Variants in TTC28 observed in about 807,000 individuals in gnomAD.
TTC28 encodes the protein tetratricopeptide repeat protein 28.
TTC28 carries 61 observed loss-of-function variants against 198.0 expected under a neutral mutation model. The observed-to-expected ratio is 0.31, with a 90% confidence interval of 0.25 to 0.38. TTC28 has a LOEUF of 0.38. TTC28 is among the 10% of genes least tolerant of loss of function. The pLI, the probability that TTC28 is intolerant of heterozygous loss-of-function variation, is 1.00. For synonymous variants in TTC28, 1,171 were observed against 1,297.8 expected, an observed-to-expected ratio of 0.90 and a Z score of 2.10; for missense variants, 2,678 against 3,164.0, an observed-to-expected ratio of 0.85 and a Z score of 3.69.
intron 2 of TTC28, among the ~76,000 whole-genome samples, chr22:28,587,263 G>A (rs1446853564): frequency 1.3e-5 from 2 of 152,210 alleles, no homozygotes; most frequent in African/African-American, 4.8e-5. Context: ...GGAGGCTGAG[G>A]CATGAGAATT....
chr22:28,447,666 T>G (rs2047722662), intron 2 of TTC28, among the ~76,000 whole-genome samples: 1 of 152,176 alleles, frequency 6.6e-6, no homozygotes, highest in Non-Finnish European at 1.5e-5. Flanking sequence ...GTTGCTGGAC[T>G]TAATAAAGTT....
intron 1 of TTC28, among the ~76,000 whole-genome samples, chr22:28,633,777 G>A (rs1290222690): frequency 2.6e-5 from 4 of 152,096 alleles, no homozygotes; most frequent in African/African-American, 9.7e-5. Context: ...GGAAAACTTA[G>A]GTCCTCAGGA....
chr22:28,005,191 T>C lies in TTC28; in HGVS notation c.4219-3638A>G, dbSNP rs1206660703. Among the ~76,000 whole-genome samples the C allele has an allele frequency of 6.6e-6, 1 of 152,044 alleles. No individual in the cohort carries two copies. The highest frequency in any genetic ancestry group is 2.4e-5 in the African/African-American group (1 of 41,398). On this transcript the variant is annotated intron_variant, in intron 14 of 22. Coordinates refer to ENST00000397906, the MANE Select transcript of TTC28 (RefSeq NM_001145418.2). The surrounding 1 kb of genome is among the most constrained non-coding windows in gnomAD (Gnocchi z 4.9). Reference sequence around the variant, plus strand: ...GTGACCCTGACTGTGGCAATGTGAGTCCAGGCAGCAAATGATGCTTGAGAA... The same window carrying C: ...GTGACCCTGACTGTGGCAATGTGAGCCCAGGCAGCAAATGATGCTTGAGAA...
intron 5 of TTC28, among the ~76,000 whole-genome samples, chr22:28,231,960 A>G (rs1928839199): frequency 6.6e-6 from 1 of 152,242 alleles, no homozygotes; most frequent in Non-Finnish European, 1.5e-5. Context: ...GTAGTTCATA[A>G]TTGAGAAAGT....
At chr22:28,498,805 T>G (rs755102033) in intron 2 of TTC28, among the ~76,000 whole-genome samples, 1 of 152,200 alleles carries the variant, frequency 6.6e-6, no homozygotes, top group African/African-American at 2.4e-5. Flanking sequence ...GCAGTTCCAG[T>G]TGTAAACTTC....
At chr22:28,432,354 G>C (rs556883256) in intron 2 of TTC28, among the ~76,000 whole-genome samples, 1 of 151,778 alleles carries the variant, frequency 6.6e-6, no homozygotes, top group Admixed American at 6.6e-5. Context: ...GCAGTAAAAT[G>C]TATTGATTTG....
intron 1 of TTC28, among the ~76,000 whole-genome samples, chr22:28,638,921 C>A (rs562166891): frequency 6.6e-6 from 1 of 152,224 alleles, no homozygotes; most frequent in Non-Finnish European, 1.5e-5. Flanking sequence ...CCACCTCTCA[C>A]TACCTAAGAG....
At chr22:28,463,355 C>T (rs529600046) in intron 2 of TTC28, among the ~76,000 whole-genome samples, 7 of 152,072 alleles carry the variant, frequency 4.6e-5, no homozygotes, top group East Asian at 1.9e-4. Flanking sequence ...GACAGTGTGG[C>T]GATTCCTCAG....
rs757520250 is a variant in TTC28, at chr22:28,094,171, T to C, written c.3841A>G (p.Ser1281Gly). 1.9e-6 allele frequency: 3 copies of C among 1,551,544 alleles called. No individual in the cohort carries two copies. In the African/African-American group the frequency reaches 4.1e-5, roughly 21 times the overall value. Residue 1281 changes from serine (S) to glycine (G), a missense_variant, in exon 12 of 23, where the codon AGT becomes GGT. By Grantham distance (56) the Ser-to-Gly change is moderately conservative (BLOSUM62 0). Transcript: ENST00000397906. ...ENSSDFQASS[S>G]VTLPTATGSA... ...CCGGTTGCTGTTGGAAGGGTTACAC[T>C]GCTGCTGGCCTGGAAGTCACTTGAG...
chr22:28,025,649 T>A (rs891716312), intron 13 of TTC28, among the ~76,000 whole-genome samples: 1 of 152,120 alleles, frequency 6.6e-6, no homozygotes, highest in Non-Finnish European at 1.5e-5. Flanking sequence ...GAGGCCAAGA[T>A]GAGAGGATCA....
intron 13 of TTC28, among the ~76,000 whole-genome samples, chr22:28,027,219 C>T (rs565326647): frequency 5.3e-5 from 8 of 152,320 alleles, no homozygotes; most frequent in Admixed American, 3.3e-4. Context: ...ACCAGTCCTC[C>T]GCGTCACTCC....
At chr22:28,460,294 G>C (rs2047928595) in intron 2 of TTC28, among the ~76,000 whole-genome samples, 1 of 152,034 alleles carries the variant, frequency 6.6e-6, no homozygotes, top group Non-Finnish European at 1.5e-5. Context: ...TGTTTAACTA[G>C]TTTTGTAATT....
chr22:28,215,205 AC>A lies in TTC28; in HGVS notation c.934-51607del, dbSNP rs554424390. 1.7e-3 allele frequency among the ~76,000 whole-genome samples: 256 copies of A among 152,328 alleles called. 2 individuals carry two copies. The highest frequency in any genetic ancestry group is 6.0e-3 in the African/African-American group (249 of 41,562). On this transcript the variant is annotated intron_variant, in intron 5 of 22. Transcript: ENST00000397906. ...TAAATGACGAGTTAATGGGTGCAGCACACCAACATGGCACATGTGTACATAT... is the reference window on the plus strand; with the variant it reads ...TAAATGACGAGTTAATGGGTGCAGCAACCAACATGGCACATGTGTACATAT...
chr22:28,390,722 T>G (rs1189754820), intron 2 of TTC28, among the ~76,000 whole-genome samples: 1 of 152,236 alleles, frequency 6.6e-6, no homozygotes, highest in Non-Finnish European at 1.5e-5. Context: ...CCTTTTATTT[T>G]GAGCCTATGT....
chr22:28,322,155 G>A (rs2045456605), intron 2 of TTC28, among the ~76,000 whole-genome samples: 1 of 152,092 alleles, frequency 6.6e-6, no homozygotes, highest in Non-Finnish European at 1.5e-5. Context: ...CAGTGTATCA[G>A]TATAAGTCTC....
chr22:28,298,898 C>T (rs770034884), intron 3 of TTC28, among the ~76,000 whole-genome samples: 11 of 152,256 alleles, frequency 7.2e-5, no homozygotes, highest in African/African-American at 2.6e-4. Flanking sequence ...TAGCCCCCGA[C>T]TAGAAGAATA....
intron 6 of TTC28, among the ~76,000 whole-genome samples, chr22:28,123,136 T>C (rs1245164650): frequency 6.6e-6 from 1 of 152,240 alleles, no homozygotes; most frequent in Non-Finnish European, 1.5e-5. Flanking sequence ...GGGAGCAAGA[T>C]GAGAAACGGA....
chr22:28,249,193 T>A (rs1292320708), intron 5 of TTC28, among the ~76,000 whole-genome samples: 1 of 152,158 alleles, frequency 6.6e-6, no homozygotes, highest in Non-Finnish European at 1.5e-5. Flanking sequence ...ATCCCCACTC[T>A]GTCACTTGGG....
chr22:28,397,385 A>G (rs202019254), intron 2 of TTC28, among the ~76,000 whole-genome samples: 2 of 152,248 alleles, frequency 1.3e-5, no homozygotes, highest in African/African-American at 4.8e-5. Context: ...ATTGTCATGA[A>G]TAAGAGGCAA....
Sources: allele counts gnomAD v4.1 joint callset (sites outside exome capture counted in the v4.1 genomes callset), GRCh38; gene constraint gnomAD v4.1.1; non-coding constraint Gnocchi (gnomAD v3.1); transcripts MANE v1.5; gene names NCBI Gene and HGNC (gene_info 2026-07-23, HGNC 2026-07-21).